Variants in COL1A2 observed in about 807,000 individuals in gnomAD.
COL1A2 encodes the protein collagen alpha-2(I) chain.
COL1A2 carries 49 observed loss-of-function variants against 174.3 expected under a neutral mutation model. The ratio of observed to expected loss-of-function variants is 0.28; its 90% CI spans 0.22 to 0.36. The LOEUF is 0.36. Among genes scored for constraint, COL1A2 ranks in the 10% least tolerant of loss-of-function variants. The probability of loss-of-function intolerance (pLI) is 1.00; values close to 1 mark genes in which losing one functional copy is unlikely to be tolerated. For missense variants in COL1A2, 1,438 were observed against 1,822.7 expected, an observed-to-expected ratio of 0.79 and a Z score of 3.84; for synonymous variants, 655 against 606.6, an observed-to-expected ratio of 1.08 and a Z score of -1.17.
intron 4 of COL1A2, 30 bp downstream of exon 4, chr7:94,399,114 C>A (rs920594727): frequency 1.2e-6 from 2 of 1,603,774 alleles, no homozygotes; most frequent in East Asian, 4.5e-5. Flanking sequence ...TAAAGGGCTT[C>A]GTCCCGTATT....
Position 94,425,124 on chromosome 7 carries a change from C to T in COL1A2, c.2681C>T (p.Pro894Leu), listed in dbSNP as rs1792246475. 6.2e-7 allele frequency: 1 copy of T among 1,613,918 alleles called. No homozygotes were observed. The highest frequency in any genetic ancestry group is 1.3e-5 in the African/African-American group (1 of 74,908). Residue 894 changes from proline to leucine, a missense_variant, in exon 42 of 52, where the codon CCT becomes CTT. By Grantham distance (98) the Pro-to-Leu change is moderately conservative. This residue lies in a region of COL1A2 where 867 missense variants were observed against 1,213.7 expected (regional missense o/e 0.71). Transcript: ENST00000297268. ...LPGVAGAVGEPGPLGIAGPPG... is the reference protein window; with the variant it reads ...LPGVAGAVGELGPLGIAGPPG... ...TCTTCTCTGCCTGTTTAGGGTGAACCTGGTCCTCTTGGCATTGCCGGCCCT... is the reference window on the plus strand; with the variant it reads ...TCTTCTCTGCCTGTTTAGGGTGAACTTGGTCCTCTTGGCATTGCCGGCCCT...
Position 94,427,615 on chromosome 7 carries a change from T to G in COL1A2, c.3268-12T>G, listed in dbSNP as rs1245064160. On this transcript the variant is annotated splice_polypyrimidine_tract_variant and intron_variant, in intron 48 of 51. Coordinates refer to ENST00000297268, the MANE Select transcript of COL1A2 (RefSeq NM_000089.4). The stretch of plus-strand genomic sequence containing the variant: ...ATATAAAGCCTCTCCTATCTCACTT[T>G]CACCTTTGCAGGGCCCCCCTGGTCC... 2 of 1,613,972 alleles carry G rather than the reference T, an allele frequency of 1.2e-6. No homozygotes were observed. The highest frequency in any genetic ancestry group is 2.7e-5 in the African/African-American group (2 of 74,924).
At position 94,420,999 on chromosome 7, in the gene COL1A2, T is replaced by G; in HGVS notation, c.2296-10T>G. 1 of 1,614,048 alleles carries G rather than the reference T, an allele frequency of 6.2e-7. No homozygotes were observed. Among genetic ancestry groups the G allele is most frequent in the Non-Finnish European group, 8.5e-7 (1 of 1,179,944 alleles). ...TTGTGATTTGACTCCATCTTTTTGT[T>G]TGCATTTAGGGTCCAAATGGTCCCC... On this transcript the variant is annotated splice_polypyrimidine_tract_variant and intron_variant, in intron 37 of 51. Coordinates refer to ENST00000297268, the MANE Select transcript of COL1A2 (RefSeq NM_000089.4).
intron 50 of COL1A2, among the ~76,000 whole-genome samples, chr7:94,428,884 TG>T (rs1298256906): frequency 2.0e-5 from 3 of 151,436 alleles, no homozygotes; most frequent in African/African-American, 7.4e-5. Flanking sequence ...AAAAGAAAAA[TG>T]TCAGAATTTC....
chr7:94,400,114 G>T, intron 4 of COL1A2, 82 bp from the exon 5 acceptor site: 1 of 1,326,048 alleles, frequency 7.5e-7, no homozygotes, highest in South Asian at 1.2e-5. Context: ...AGAAAGGTCT[G>T]AACAACTGAT....
intron 32 of COL1A2, 59 bp downstream of exon 32, chr7:94,417,890 G>A: frequency 1.4e-6 from 2 of 1,392,916 alleles, no homozygotes; most frequent in Non-Finnish European, 2.0e-6. Flanking sequence ...GGCTGCACAA[G>A]GATGCCCAAG....
intron 17 of COL1A2, 58 bp downstream of exon 17, chr7:94,409,478 G>A: frequency 6.2e-7 from 1 of 1,609,958 alleles, no homozygotes; most frequent in Non-Finnish European, 8.5e-7. Flanking sequence ...GTGGAGTATG[G>A]GGAAGAAGAA....
At chr7:94,417,872 G>A in intron 32 of COL1A2, 41 bp downstream of exon 32, 1 of 1,503,568 alleles carries the variant, frequency 6.7e-7, no homozygotes, top group South Asian at 1.2e-5. Flanking sequence ...ATGAACTCTA[G>A]TAAAGAAGGC....
rs777241404 is a variant in COL1A2 at position 94,427,020 on chromosome 7, G to A, written c.3118G>A (p.Asp1040Asn). The A allele has an allele frequency of 1.2e-6, 2 of 1,613,880 alleles. No individual in the cohort carries two copies. The highest frequency in any genetic ancestry group is 1.7e-5 in the Admixed American group (1 of 60,020). Residue 1040 changes from aspartate to asparagine, a missense_variant, in exon 47 of 52, where the codon GAT becomes AAT. Around this residue, in one of 3 missense-constraint regions of COL1A2, gnomAD observed 867 missense variants for 1,213.7 expected, o/e 0.71. Coordinates refer to ENST00000297268, the MANE Select transcript of COL1A2 (RefSeq NM_000089.4). ...GLPGIAGHHG[D>N]QGAPGSVGPA... is the part of the protein sequence containing the mutation. ...TCTGTCTTTAAAGGGTCACCATGGT[G>A]ATCAAGGTGCTCCTGGCTCCGTGGG...
At chr7:94,409,296 T>C in intron 16 of COL1A2, 26 bp from the exon 17 acceptor site, 2 of 1,597,356 alleles carry the variant, frequency 1.3e-6, no homozygotes, top group Non-Finnish European at 1.7e-6. Flanking sequence ...TGCTGGTTAA[T>C]TCCTTGGTTT....
In COL1A2 at chr7:94,427,808, T is replaced by G. The variant is rs140796408; in HGVS notation, c.3449T>G (p.Leu1150Arg). Residue 1150 changes from leucine to arginine, a missense_variant, in exon 49 of 52, where the codon CTT becomes CGT. By Grantham distance (102) the Leu-to-Arg change is moderately radical (BLOSUM62 -2). Around this residue, in one of 3 missense-constraint regions of COL1A2, gnomAD observed 290 missense variants for 298.1 expected, o/e 0.97. Coordinates refer to ENST00000297268, the MANE Select transcript of COL1A2 (RefSeq NM_000089.4). ...KSLNNQIETLLTPEGSRKNPA... is the reference protein window; with the variant it reads ...KSLNNQIETLRTPEGSRKNPA... Reference sequence around the variant, plus strand: ...CTCAACAACCAGATTGAGACCCTTCTTACTCCTGAAGGCTCTAGAAAGAAC... The same window carrying G: ...CTCAACAACCAGATTGAGACCCTTCGTACTCCTGAAGGCTCTAGAAAGAAC... 6.2e-7 allele frequency: 1 copy of G among 1,614,070 alleles called. No individual in the cohort carries two copies. The highest frequency in any genetic ancestry group is 8.5e-7 in the Non-Finnish European group (1 of 1,179,956).
In COL1A2 at chr7:94,427,635, T is replaced by C; in HGVS notation, c.3276T>C (p.Pro1092=). Residue 1092 remains proline, a synonymous_variant, in exon 49 of 52, where the codon CCT becomes CCC. Coordinates refer to ENST00000297268, the MANE Select transcript of COL1A2 (RefSeq NM_000089.4). The part of the protein sequence containing the change: ...PQGHQGPAGP[P]GPPGPPGPPG... The stretch of plus-strand genomic sequence containing the variant: ...CACTTTCACCTTTGCAGGGCCCCCC[T>C]GGTCCCCCTGGCCCTCCTGGACCTC... The C allele has an allele frequency of 6.2e-7, 1 of 1,614,162 alleles. No homozygotes were observed. Among genetic ancestry groups the C allele is most frequent in the Middle Eastern group, 1.7e-4 (1 of 6,058 alleles).
At chr7:94,406,671 T>C (rs1056289558) in intron 12 of COL1A2, among the ~76,000 whole-genome samples, 1 of 152,202 alleles carries the variant, frequency 6.6e-6, no homozygotes, top group African/African-American at 2.4e-5. Context: ...AATTCTCCTT[T>C]GCCACACACT....
At position 94,427,171 on chromosome 7, in the gene COL1A2, G is replaced by A; in HGVS notation, c.3160-17G>A. The A allele has an allele frequency of 6.2e-7, 1 of 1,613,294 alleles. No individual in the cohort carries two copies. Among genetic ancestry groups the A allele is most frequent in the Non-Finnish European group, 8.5e-7 (1 of 1,179,378 alleles). On this transcript the variant is annotated splice_polypyrimidine_tract_variant and intron_variant, in intron 47 of 51. Transcript: ENST00000297268. ...GGATTCACCAGCTCACATGTACCTG[G>A]TGTCTGTCTTCCTTAGGGCCCTGCT...
chr7:94,424,522 A>G, intron 41 of COL1A2, 79 bp downstream of exon 41: 1 of 1,231,786 alleles, frequency 8.1e-7, no homozygotes, highest in African/African-American at 1.5e-5. Context: ...TGACAGATTG[A>G]TCACTGAATA....
rs928361235 is a variant in COL1A2, at chr7:94,423,084, G to C, written c.2531G>C (p.Gly844Ala). Residue 844 changes from glycine to alanine, a missense_variant, in exon 40 of 52, where the codon GGT (glycine) becomes GCT (alanine). Coordinates refer to ENST00000297268, the MANE Select transcript of COL1A2 (RefSeq NM_000089.4). The stretch of plus-strand genomic sequence containing the variant: ...GCAGTTGGTCCCCCTGGCTTCGCTG[G>C]TGAGAAGGGTCCCTCTGGAGAGGCT... ...VGAVGPPGFA[G>A]EKGPSGEAGT... The C allele has an allele frequency of 3.7e-6, 6 of 1,614,072 alleles. No homozygotes were observed. Among genetic ancestry groups the C allele is most frequent in the South Asian group, 1.1e-5 (1 of 91,088 alleles).
intron 29 of COL1A2, 98 bp from the exon 30 acceptor site, chr7:94,415,128 G>T: frequency 9.1e-7 from 1 of 1,103,902 alleles, no homozygotes; most frequent in Non-Finnish European, 1.4e-6. Flanking sequence ...ATACTGCCAG[G>T]TTTATTTCAC....
intron 11 of COL1A2, 64 bp downstream of exon 11, chr7:94,405,790 T>A (rs1015919897): frequency 1.0e-5 from 13 of 1,305,008 alleles, no homozygotes; most frequent in African/African-American, 1.5e-5. Flanking sequence ...AACTCAAGTA[T>A]GTTTAAAATC....
At chr7:94,429,894 A>G (rs1309296989) in intron 51 of COL1A2, 1 of 288,712 alleles carries the variant, frequency 3.5e-6, no homozygotes, top group Non-Finnish European at 6.5e-6. Flanking sequence ...AAATTCACTA[A>G]CAGCAAGACT....
Sources: allele counts gnomAD v4.1 joint callset (sites outside exome capture counted in the v4.1 genomes callset), GRCh38; gene constraint gnomAD v4.1.1; regional missense constraint gnomAD v4.1.1; transcripts MANE v1.5; gene names NCBI Gene and HGNC (gene_info 2026-07-23, HGNC 2026-07-21).